SLC9C1: variants seen among roughly 807,000 people sequenced by gnomAD.
SLC9C1 encodes the protein sodium/hydrogen exchanger 10.
A neutral mutation model predicts 140.9 loss-of-function variants in SLC9C1; 97 were observed. The ratio of observed to expected loss-of-function variants is 0.69; its 90% CI spans 0.58 to 0.82. The LOEUF (loss-of-function observed/expected upper bound fraction) is 0.82. Ranked by LOEUF, SLC9C1 falls within the 40% of genes least tolerant of loss-of-function variation. SLC9C1 has a pLI of 0.00. For synonymous variants in SLC9C1, 440 were observed against 442.6 expected (o/e 0.99, Z 0.07); for missense variants, 1,340 against 1,389.3 (o/e 0.96, Z 0.56).
chr3:112,280,617 A>T (rs2080331950), intron 3 of SLC9C1, 66 bp downstream of exon 3: 1 of 1,413,118 alleles, frequency 7.1e-7, no homozygotes, highest in Non-Finnish European at 9.6e-7. Flanking sequence ...GCAAATTTTA[A>T]ATGCCATCTC....
At chr3:112,181,480 A>G (rs2077437925) in intron 21 of SLC9C1, among the ~76,000 whole-genome samples, 1 of 152,184 alleles carries the variant, frequency 6.6e-6, no homozygotes, top group African/African-American at 2.4e-5. Flanking sequence ...AGATCCATTT[A>G]TTTGCTCATT....
chr3:112,278,965 A>T (rs1390756366), intron 3 of SLC9C1, 108 bp from the exon 4 acceptor site: 2 of 1,121,976 alleles, frequency 1.8e-6, no homozygotes, highest in Non-Finnish European at 1.3e-6. Context: ...TTTTTAAAAG[A>T]TATATCACAC....
intron 2 of SLC9C1, among the ~76,000 whole-genome samples, chr3:112,283,235 C>A (rs1662415369): frequency 6.6e-6 from 1 of 152,144 alleles, no homozygotes; most frequent in Non-Finnish European, 1.5e-5. Flanking sequence ...GTGATCCTTG[C>A]ACTTTGGGTG....
At chr3:112,263,253 A>C (rs1390865802) in intron 9 of SLC9C1, among the ~76,000 whole-genome samples, 155 bp from the exon 10 acceptor site, 1 of 151,992 alleles carries the variant, frequency 6.6e-6, no homozygotes, top group Non-Finnish European at 1.5e-5. Flanking sequence ...AAAGAAAGGC[A>C]GCAGGTATTC....
intron 26 of SLC9C1, among the ~76,000 whole-genome samples, chr3:112,163,833 C>T (rs2075380984): frequency 6.6e-6 from 1 of 151,924 alleles, no homozygotes; most frequent in Admixed American, 6.6e-5. Context: ...TCCTTGTTGA[C>T]TTTCTGTCTC....
intron 20 of SLC9C1, chr3:112,185,689 G>C (rs541741464): frequency 1.3e-6 from 2 of 1,548,208 alleles, no homozygotes; most frequent in Non-Finnish European, 1.7e-6. Flanking sequence ...AGGCGTGCAC[G>C]CTCGTGCCAC....
intron 5 of SLC9C1, among the ~76,000 whole-genome samples, chr3:112,275,946 C>G (rs755836713): frequency 6.6e-6 from 1 of 152,018 alleles, no homozygotes; most frequent in Admixed American, 6.6e-5. Flanking sequence ...CTCCTGCCAC[C>G]GCCATGGCAG....
chr3:112,181,523 T>C (rs1423910588), intron 21 of SLC9C1, among the ~76,000 whole-genome samples: 2 of 152,214 alleles, frequency 1.3e-5, no homozygotes, highest in Non-Finnish European at 2.9e-5. Context: ...CCACTATGCA[T>C]TATGCAAAGT....
At position 112,261,539 on chromosome 3, in the gene SLC9C1, T is replaced by C. The variant is rs1043336787; in HGVS notation, c.1197+1385A>G. Among the ~76,000 whole-genome samples the C allele has an allele frequency of 5.9e-5, 9 of 152,154 alleles. No individual in the cohort carries two copies. The East Asian group carries it at 1.7e-3, about 29-fold the overall frequency. On this transcript the variant is annotated intron_variant, in intron 10 of 28. Coordinates refer to ENST00000305815, the MANE Select transcript of SLC9C1 (RefSeq NM_183061.3). ...CAGAATTAAAAAGGCAATATGTCTT[T>C]GATGTTAGTATTTTTAACCCTTTAC...
chr3:112,171,697 C>T (rs1179684710), intron 23 of SLC9C1, among the ~76,000 whole-genome samples: 2 of 152,124 alleles, frequency 1.3e-5, no homozygotes, highest in African/African-American at 2.4e-5. Flanking sequence ...GAAATCTTTG[C>T]CTACCTTAAG....
rs183533273 is a variant in SLC9C1, at chr3:112,274,203, G to A, written c.613+694C>T. On this transcript the variant is annotated intron_variant, in intron 6 of 28. Transcript: ENST00000305815. ...GAAGATACAGGGTTTTGACCAGAGA[G>A]GAGCACATAAGATGCTTCTAGGGAT... 5.1e-3 allele frequency among the ~76,000 whole-genome samples: 779 copies of A among 152,164 alleles called. 2 individuals are homozygous for A. The highest frequency in any genetic ancestry group is 8.4e-3 in the Non-Finnish European group (570 of 67,998).
chr3:112,238,091 T>C (rs991233132), intron 12 of SLC9C1, among the ~76,000 whole-genome samples: 2 of 152,234 alleles, frequency 1.3e-5, no homozygotes, highest in African/African-American at 4.8e-5. Flanking sequence ...CTTTCAGGTA[T>C]ACCAATCAGA....
At chr3:112,256,794 T>A (rs2079619192) in intron 10 of SLC9C1, among the ~76,000 whole-genome samples, 1 of 152,166 alleles carries the variant, frequency 6.6e-6, no homozygotes, top group African/African-American at 2.4e-5. Context: ...GCAGATGACA[T>A]GATTCTGTAT....
chr3:112,155,174 G>T, intron 26 of SLC9C1, 125 bp from the exon 27 acceptor site: 1 of 694,360 alleles, frequency 1.4e-6, no homozygotes, highest in Non-Finnish European at 2.2e-6. Context: ...GAAATTGGTG[G>T]TAATCTCATT....
chr3:112,169,949 A>G (rs926622830), intron 23 of SLC9C1, among the ~76,000 whole-genome samples: 1 of 152,144 alleles, frequency 6.6e-6, no homozygotes, highest in Non-Finnish European at 1.5e-5. Context: ...CAAAACAATA[A>G]TACTGGACCC....
intron 15 of SLC9C1, among the ~76,000 whole-genome samples, chr3:112,212,877 G>A (rs1435977020): frequency 6.6e-6 from 1 of 152,102 alleles, no homozygotes; most frequent in East Asian, 1.9e-4. Context: ...TACTCCTCAA[G>A]AAGAACAACC....
intron 26 of SLC9C1, among the ~76,000 whole-genome samples, chr3:112,165,384 T>C (rs1313018943): frequency 1.3e-5 from 2 of 152,222 alleles, no homozygotes; most frequent in South Asian, 4.1e-4. Flanking sequence ...CTCTGTTTTT[T>C]CCCCATCTTT....
chr3:112,149,488 T>G (rs1264040496), intron 28 of SLC9C1, among the ~76,000 whole-genome samples: 1 of 151,474 alleles, frequency 6.6e-6, no homozygotes, highest in Non-Finnish European at 1.5e-5. Context: ...CCATGATCTA[T>G]GTGCAGAAAG....
chr3:112,175,691 G>A (rs1360506862), intron 23 of SLC9C1, among the ~76,000 whole-genome samples: 1 of 152,184 alleles, frequency 6.6e-6, no homozygotes, highest in Non-Finnish European at 1.5e-5. Flanking sequence ...AGGAGAAATG[G>A]GATTCGGGAT....
Sources: allele counts gnomAD v4.1 joint callset (sites outside exome capture counted in the v4.1 genomes callset), GRCh38; gene constraint gnomAD v4.1.1; transcripts MANE v1.5; gene names NCBI Gene and HGNC (gene_info 2026-07-23, HGNC 2026-07-21).